Variants in PHC3 observed in about 807,000 individuals in gnomAD.
PHC3 encodes polyhomeotic-like protein 3.
PHC3 carries 13 observed loss-of-function variants against 107.4 expected under a neutral mutation model. The ratio of observed to expected loss-of-function variants is 0.12; its 90% CI spans 0.08 to 0.19. The LOEUF is 0.19. Among genes scored for constraint, PHC3 ranks in the 10% least tolerant of loss-of-function variants. The pLI, the probability that PHC3 is intolerant of heterozygous loss-of-function variation, is 1.00. For synonymous variants in PHC3, 456 were observed against 427.4 expected, an observed-to-expected ratio of 1.07 and a Z score of -0.83; for missense variants, 992 against 1,210.9, an observed-to-expected ratio of 0.82 and a Z score of 2.68.
At chr3:170,143,678 TCA>T (rs1274319654) in intron 6 of PHC3, among the ~76,000 whole-genome samples, 1 of 152,210 alleles carries the variant, frequency 6.6e-6, no homozygotes, top group Non-Finnish European at 1.5e-5. Flanking sequence ...TAAAATGTAC[TCA>T]CTCTAATTCA....
intron 4 of PHC3, among the ~76,000 whole-genome samples, chr3:170,159,245 C>T (rs903648647): frequency 1.2e-4 from 14 of 114,912 alleles, no homozygotes; most frequent in Non-Finnish European, 2.0e-4. Context: ...GAGCGAGACT[C>T]GGTCTCAAAA....
Position 170,094,414 on chromosome 3 carries a change from TA to T in PHC3, c.*2815del, listed in dbSNP as rs1560009867. ...GCAAGGAAGTCAGAAAATGCAAACT[TA>T]GGTAGCAAAAGTAGGAAGAACCTCC... On this transcript the variant is annotated 3_prime_UTR_variant, in exon 15 of 15. Transcript: ENST00000495893. 6.6e-6 allele frequency: 1 copy of T among 152,214 alleles called. No individual in the cohort carries two copies. Among genetic ancestry groups the T allele is most frequent in the Non-Finnish European group, 1.5e-5 (1 of 68,046 alleles). The allele number at this position is 152,214 out of a possible 1,614,324, so 9.4% of individuals were successfully genotyped here. A position where few individuals can be genotyped will look rare whatever the true frequency, so the allele number is the denominator to read the frequency against.
intron 7 of PHC3, among the ~76,000 whole-genome samples, chr3:170,132,291 T>A (rs1001958737): frequency 6.6e-6 from 1 of 152,108 alleles, no homozygotes; most frequent in African/African-American, 2.4e-5. Flanking sequence ...ATACGACAGA[T>A]GAAGAAACTG....
At chr3:170,117,555 A>G in intron 9 of PHC3, 79 bp from the exon 10 acceptor site, 2 of 1,410,696 alleles carry the variant, frequency 1.4e-6, no homozygotes, top group Non-Finnish European at 1.9e-6. Flanking sequence ...TAAGGAATAA[A>G]TAATAACAAC....
chr3:170,103,499 T>G (rs1715869824), intron 12 of PHC3, among the ~76,000 whole-genome samples: 1 of 151,994 alleles, frequency 6.6e-6, no homozygotes, highest in Non-Finnish European at 1.5e-5. Context: ...TTCAGAAAAT[T>G]TAGAAGTATA....
chr3:170,121,997 A>G (rs1210753577), intron 9 of PHC3, among the ~76,000 whole-genome samples: 1 of 152,188 alleles, frequency 6.6e-6, no homozygotes, highest in East Asian at 1.9e-4. Flanking sequence ...TCACACCTGT[A>G]ATCCCAGCAC....
chr3:170,105,337 T>C (rs1716280813), intron 12 of PHC3, among the ~76,000 whole-genome samples: 1 of 152,228 alleles, frequency 6.6e-6, no homozygotes, highest in Non-Finnish European at 1.5e-5. Flanking sequence ...AAAGCATATT[T>C]GAAAAACAGA....
rs1024748616 is a variant in PHC3 at position 170,173,533 on chromosome 3, T to C, written c.181-821A>G. Among the ~76,000 whole-genome samples the C allele has an allele frequency of 2.0e-5, 3 of 152,320 alleles. No homozygotes were observed. In the East Asian group the frequency reaches 5.8e-4, roughly 29 times the overall value. On this transcript the variant is annotated intron_variant, in intron 2 of 14. Transcript: ENST00000495893. ...CAGTGCTGTCCTATACAGTAACAAC[T>C]AGTCACATGTGCCTACTGAGCACTT...
chr3:170,152,005 G>C (rs1304311144), intron 4 of PHC3, among the ~76,000 whole-genome samples: 4 of 151,862 alleles, frequency 2.6e-5, no homozygotes, highest in Non-Finnish European at 5.9e-5. Context: ...AAATAAAAAA[G>C]TTTAAAAAAC....
At chr3:170,108,360 C>T (rs1716979367) in intron 11 of PHC3, among the ~76,000 whole-genome samples, 1 of 152,050 alleles carries the variant, frequency 6.6e-6, no homozygotes, top group Non-Finnish European at 1.5e-5. Context: ...AAGCAGATGG[C>T]AAAGTGCTAA....
intron 2 of PHC3, among the ~76,000 whole-genome samples, chr3:170,173,576 A>C (rs1729953780): frequency 6.6e-6 from 1 of 152,226 alleles, no homozygotes; most frequent in Admixed American, 6.5e-5. Flanking sequence ...GGTTAGTGCA[A>C]CTAAAGAATT....
rs780851718 is a variant in PHC3, at chr3:170,128,687, T to C, written c.1785A>G (p.Pro595=). The C allele has an allele frequency of 6.2e-7, 1 of 1,613,712 alleles. No individual in the cohort carries two copies. The highest frequency in any genetic ancestry group is 8.5e-7 in the Non-Finnish European group (1 of 1,179,694). The change falls in exon 8 of 15, where the codon CCA becomes CCG. Residue 595 remains proline, a synonymous_variant. Transcript: ENST00000495893. ...CAAAGAGCTTCCAAGGGCTTACCAC[T>C]GGTGGATCAACAGGTGCTGGTGGTT... ...QVQPPAPVDP[P]VVYQVEDVCE...
At chr3:170,129,705 A>T (rs79158343) in intron 7 of PHC3, among the ~76,000 whole-genome samples, 153 bp from the exon 8 acceptor site, 303 of 148,884 alleles carry the variant, frequency 2.0e-3, no homozygotes, top group Middle Eastern at 0.017. Context: ...AAAAAAAAAA[A>T]TTTTTTTTTT....
At chr3:170,176,089 G>A (rs1216601449) in intron 2 of PHC3, among the ~76,000 whole-genome samples, 1 of 151,618 alleles carries the variant, frequency 6.6e-6, no homozygotes, top group Non-Finnish European at 1.5e-5. Context: ...AGCTGGATCT[G>A]CTGGCACATG....
chr3:170,181,036 A>G (rs1039494718), intron 1 of PHC3, among the ~76,000 whole-genome samples: 2 of 151,630 alleles, frequency 1.3e-5, no homozygotes, highest in African/African-American at 4.9e-5. Context: ...AACTAAACAT[A>G]CCGTCACACC....
intron 10 of PHC3, among the ~76,000 whole-genome samples, chr3:170,115,988 CTCAAAAGGCCT>C: frequency 6.6e-6 from 1 of 152,144 alleles, no homozygotes; most frequent in South Asian, 2.1e-4. Flanking sequence ...ATCCAGATGA[CTCAAAAGGCCT>C]TCAAAAAATT....
chr3:170,144,183 GA>G (rs1358338317), intron 6 of PHC3, among the ~76,000 whole-genome samples: 2 of 147,510 alleles, frequency 1.4e-5, no homozygotes, highest in Non-Finnish European at 1.5e-5. Flanking sequence ...AAAGAAAAAA[GA>G]AAAAAAATTA....
chr3:170,114,972 T>A (rs1718614246), intron 10 of PHC3, among the ~76,000 whole-genome samples: 1 of 152,194 alleles, frequency 6.6e-6, no homozygotes, highest in Non-Finnish European at 1.5e-5. Flanking sequence ...AAAACTCACA[T>A]TCAATGCTAA....
At chr3:170,137,755 C>T (rs1229509189) in intron 6 of PHC3, among the ~76,000 whole-genome samples, 1 of 152,180 alleles carries the variant, frequency 6.6e-6, no homozygotes, top group Non-Finnish European at 1.5e-5. Context: ...AAAAATTAGC[C>T]AGGCGTGGTG....
Sources: allele counts gnomAD v4.1 joint callset (sites outside exome capture counted in the v4.1 genomes callset), GRCh38; gene constraint gnomAD v4.1.1; transcripts MANE v1.5; gene names NCBI Gene and HGNC (gene_info 2026-07-23, HGNC 2026-07-21).